ARMC9: variants seen among roughly 807,000 people sequenced by gnomAD.
ARMC9 encodes armadillo repeat containing 9.
ARMC9 carries 94 observed loss-of-function variants against 107.0 expected under a neutral mutation model. The observed-to-expected ratio is 0.88, with a 90% CI of 0.74 to 1.04. The LOEUF (loss-of-function observed/expected upper bound fraction) is 1.04, where lower values mean the gene tolerates loss of function less well. Ranked by LOEUF, ARMC9 falls within the 50% of genes least tolerant of loss-of-function variation. ARMC9 has a pLI of 0.00. For synonymous variants in ARMC9, 380 were observed against 396.9 expected, an observed-to-expected ratio of 0.96 and a Z score of 0.51; for missense variants, 942 against 1,030.1, an observed-to-expected ratio of 0.91 and a Z score of 1.17.
chr2:231,210,975 G>A (rs1182631895), intron 3 of ARMC9, among the ~76,000 whole-genome samples: 1 of 152,104 alleles, frequency 6.6e-6, no homozygotes, highest in African/African-American at 2.4e-5. Flanking sequence ...GGCTACTTTA[G>A]ATATGTCATA....
chr2:231,355,440 T>C (rs970403323), intron 21 of ARMC9, among the ~76,000 whole-genome samples: 1 of 152,112 alleles, frequency 6.6e-6, no homozygotes, highest in Non-Finnish European at 1.5e-5. Flanking sequence ...CATCCCTTCA[T>C]TCATCTGCTT....
intron 7 of ARMC9, among the ~76,000 whole-genome samples, chr2:231,234,624 C>T (rs2035545159): frequency 6.6e-6 from 1 of 152,082 alleles, no homozygotes; most frequent in South Asian, 2.1e-4. Context: ...GAGACAGAGT[C>T]TCACTCTGTT....
chr2:231,329,459 G>A (rs902429887), intron 19 of ARMC9, among the ~76,000 whole-genome samples: 2 of 152,032 alleles, frequency 1.3e-5, no homozygotes, highest in Non-Finnish European at 2.9e-5. Context: ...ACAGGCATGC[G>A]CCACCACGCC....
chr2:231,292,416 A>G (rs2041076676), intron 18 of ARMC9, among the ~76,000 whole-genome samples: 1 of 152,174 alleles, frequency 6.6e-6, no homozygotes, highest in Non-Finnish European at 1.5e-5. Context: ...CCACTGTAAG[A>G]AACTTCATCA....
intron 19 of ARMC9, among the ~76,000 whole-genome samples, chr2:231,326,013 C>T (rs757051249): frequency 3.9e-5 from 6 of 152,102 alleles, no homozygotes; most frequent in Non-Finnish European, 7.4e-5. Flanking sequence ...GAGAGAGGGA[C>T]GAGACCCTGA....
chr2:231,206,849 G>T (rs1200446289), intron 2 of ARMC9, among the ~76,000 whole-genome samples: 2 of 152,232 alleles, frequency 1.3e-5, no homozygotes, highest in African/African-American at 4.8e-5. Context: ...TGGTGCTAAA[G>T]AAATGGTTCG....
Position 231,355,879 on chromosome 2 carries a change from G to C in ARMC9, c.2076G>C (p.Glu692Asp). The C allele has an allele frequency of 6.5e-7, 1 of 1,536,128 alleles. No individual in the cohort carries two copies. Among genetic ancestry groups the C allele is most frequent in the Non-Finnish European group, 8.7e-7 (1 of 1,146,920 alleles). The change falls in exon 22 of 25, where the codon GAG becomes GAC. Residue 692 changes from glutamate to aspartate, a missense_variant. Physicochemically the swap from Glu to Asp is conservative, Grantham distance 45 (BLOSUM62 2). Transcript: ENST00000611582. ...GHPQALPAAHEAVYREGKPST... is the reference protein window; with the variant it reads ...GHPQALPAAHDAVYREGKPST... ...CGCAGGCCCTGCCAGCCGCTCACGA[G>C]GCTGTCTACAGGGAGGGCAAGCCCA...
At chr2:231,314,579 A>T (rs1472744381) in intron 19 of ARMC9, among the ~76,000 whole-genome samples, 1 of 152,170 alleles carries the variant, frequency 6.6e-6, no homozygotes, top group Non-Finnish European at 1.5e-5. Context: ...GCTATGCGTT[A>T]TTGGGTGTTT....
intron 19 of ARMC9, among the ~76,000 whole-genome samples, chr2:231,315,882 A>G (rs1262461036): frequency 6.6e-6 from 1 of 152,188 alleles, no homozygotes; most frequent in Non-Finnish European, 1.5e-5. Flanking sequence ...AATATTTTTT[A>G]GTAAACCATT....
chr2:231,326,112 C>T (rs978738127), intron 19 of ARMC9, among the ~76,000 whole-genome samples: 2 of 152,212 alleles, frequency 1.3e-5, no homozygotes, highest in African/African-American at 4.8e-5. Context: ...CCCAAGCTGT[C>T]CAGCCTGTAC....
chr2:231,233,440 A>AT (rs2035423626), intron 7 of ARMC9, among the ~76,000 whole-genome samples: 1 of 152,120 alleles, frequency 6.6e-6, no homozygotes, highest in Non-Finnish European at 1.5e-5. Context: ...CAGAGCTTGC[A>AT]TGCCACTGCT....
intron 7 of ARMC9, among the ~76,000 whole-genome samples, chr2:231,227,763 G>T (rs771152345): frequency 1.1e-3 from 164 of 152,320 alleles, no homozygotes; most frequent in Non-Finnish European, 1.8e-3. Flanking sequence ...GATGGCTTTG[G>T]CAGCGTCAGC....
intron 6 of ARMC9, among the ~76,000 whole-genome samples, chr2:231,224,761 T>A (rs1227209178): frequency 2.0e-5 from 3 of 152,208 alleles, no homozygotes; most frequent in African/African-American, 7.2e-5. Flanking sequence ...TTCTAGGATT[T>A]AGGGATATAA....
intron 7 of ARMC9, among the ~76,000 whole-genome samples, chr2:231,229,774 GAGAGGTTAATTTT>G (rs1417130853): frequency 6.6e-6 from 1 of 152,122 alleles, no homozygotes; most frequent in African/African-American, 2.4e-5. Flanking sequence ...TATAAAGACA[GAGAGGTTAATTTT>G]AGCTTTTCAT....
chr2:231,290,800 T>C (rs2040933713), intron 17 of ARMC9, among the ~76,000 whole-genome samples: 1 of 152,104 alleles, frequency 6.6e-6, no homozygotes, highest in South Asian at 2.1e-4. Context: ...TCTCTAAGCA[T>C]ATGGTTTCAC....
chr2:231,206,868 G>A (rs999483746), intron 2 of ARMC9, among the ~76,000 whole-genome samples: 1 of 152,250 alleles, frequency 6.6e-6, no homozygotes, highest in African/African-American at 2.4e-5. Context: ...CGCGCTTGCT[G>A]CTGCTTAACT....
chr2:231,314,503 C>T (rs2042550850), intron 19 of ARMC9, among the ~76,000 whole-genome samples: 1 of 152,128 alleles, frequency 6.6e-6, no homozygotes, highest in African/African-American at 2.4e-5. Flanking sequence ...TTTGCCCAAC[C>T]CAGACTTTCT....
In ARMC9 at chr2:231,222,191, G is replaced by A. The variant is rs190310989; in HGVS notation, c.505-537G>A. ...TTTCTTCTTGATGAGCATTATTTGAGATAAATAATTTGTTTTTAAAGGACA... is the reference window on the plus strand; with the variant it reads ...TTTCTTCTTGATGAGCATTATTTGAAATAAATAATTTGTTTTTAAAGGACA... On this transcript the variant is annotated intron_variant, in intron 5 of 24. Transcript: ENST00000611582. Among the ~76,000 whole-genome samples the A allele has an allele frequency of 2.1e-4, 32 of 152,258 alleles. No homozygotes were observed. In the East Asian group the frequency reaches 6.0e-3, roughly 28 times the overall value.
chr2:231,330,559 T>TG (rs1334441956), intron 19 of ARMC9, among the ~76,000 whole-genome samples: 1 of 152,068 alleles, frequency 6.6e-6, no homozygotes, highest in Non-Finnish European at 1.5e-5. Flanking sequence ...CATTGTGGGG[T>TG]GGGGGCCTCC....
Sources: allele counts gnomAD v4.1 joint callset (sites outside exome capture counted in the v4.1 genomes callset), GRCh38; gene constraint gnomAD v4.1.1; transcripts MANE v1.5; gene names NCBI Gene and HGNC (gene_info 2026-07-23, HGNC 2026-07-21).